Variants in MTHFD1L observed in about 807,000 individuals in gnomAD.
MTHFD1L encodes monofunctional C1-tetrahydrofolate synthase, mitochondrial.
MTHFD1L carries 81 observed loss-of-function variants against 119.5 expected under a neutral mutation model. The observed-to-expected ratio is 0.68, with a 90% CI of 0.57 to 0.82. The LOEUF (loss-of-function observed/expected upper bound fraction) is 0.82. MTHFD1L is among the 40% of genes least tolerant of loss of function. MTHFD1L has a pLI of 0.00. For synonymous variants in MTHFD1L, 430 were observed against 475.2 expected (o/e 0.90, Z 1.24); for missense variants, 1,125 against 1,253.4 (o/e 0.90, Z 1.55).
At chr6:150,985,080 T>A (rs1778083851) in intron 20 of MTHFD1L, 1 of 152,230 alleles carries the variant, frequency 6.6e-6, no homozygotes, top group Non-Finnish European at 1.5e-5. Context: ...GGAGAAGGCA[T>A]GGACTGTGGC....
At chr6:151,044,599 C>T (rs1787671712) in intron 26 of MTHFD1L, among the ~76,000 whole-genome samples, 1 of 152,192 alleles carries the variant, frequency 6.6e-6, no homozygotes. Context: ...CTGCGCCCGG[C>T]CAACTACATG....
chr6:150,903,203 AT>A (rs774695918), intron 7 of MTHFD1L, among the ~76,000 whole-genome samples: 26,234 of 85,118 alleles, frequency 0.31, 6,651 homozygotes, highest in East Asian at 0.6. Context: ...TGGCTGCAAA[AT>A]TTTTTTTTTT....
chr6:151,023,607 C>T (rs1272478165), intron 24 of MTHFD1L, among the ~76,000 whole-genome samples: 1 of 152,176 alleles, frequency 6.6e-6, no homozygotes, highest in Non-Finnish European at 1.5e-5. Context: ...CTTGCCCCAG[C>T]TTTCTTTCCT....
At chr6:151,041,860 T>G (rs747097787) in intron 26 of MTHFD1L, 1 of 528,692 alleles carries the variant, frequency 1.9e-6, no homozygotes, top group South Asian at 1.4e-5. Context: ...ATCTCCAGCA[T>G]TGCTGGCTTT....
At chr6:151,030,822 A>T (rs564168982) in intron 24 of MTHFD1L, among the ~76,000 whole-genome samples, 9 of 152,282 alleles carry the variant, frequency 5.9e-5, no homozygotes, top group African/African-American at 2.2e-4. Flanking sequence ...TAAATAAGAG[A>T]TGGTCCCGAG....
At chr6:150,947,136 T>C (rs1317011619) in intron 15 of MTHFD1L, among the ~76,000 whole-genome samples, 1 of 146,952 alleles carries the variant, frequency 6.8e-6, no homozygotes, top group East Asian at 2.3e-4. Flanking sequence ...CTTGCTCTGT[T>C]GCTCAGGCTG....
intron 10 of MTHFD1L, among the ~76,000 whole-genome samples, chr6:150,923,537 ATTTTTTCT>A (rs1789401367): frequency 1.1e-5 from 1 of 95,208 alleles, no homozygotes; most frequent in African/African-American, 5.1e-5. Flanking sequence ...TTATTTATTT[ATTTTTTCT>A]TTTTTTTTTT....
In MTHFD1L at chr6:151,059,186, CTGGTGGTGG is replaced by C. The variant is rs71014535; in HGVS notation, c.2847+22089_2847+22097del. 2.1e-3 allele frequency among the ~76,000 whole-genome samples: 316 copies of C among 151,100 alleles called. 1 individual carries two copies. The highest frequency in any genetic ancestry group is 7.3e-3 in the African/African-American group (302 of 41,152). On this transcript the variant is annotated intron_variant, in intron 26 of 27. Coordinates refer to ENST00000367321, the MANE Select transcript of MTHFD1L (RefSeq NM_015440.5). ...AGCTCCAGGCTGCTACAGTTCTAAA[CTGGTGGTGG>C]TGGTGGTGGTGGTGGTGGTTGTGGT...
chr6:150,895,388 G>T (rs1307226810), intron 7 of MTHFD1L, among the ~76,000 whole-genome samples: 1 of 152,200 alleles, frequency 6.6e-6, no homozygotes, highest in Non-Finnish European at 1.5e-5. Context: ...TTAGGGCACA[G>T]CTGGACAATG....
intron 8 of MTHFD1L, among the ~76,000 whole-genome samples, chr6:150,915,293 T>C (rs991454258): frequency 1.3e-5 from 2 of 152,226 alleles, no homozygotes; most frequent in African/African-American, 4.8e-5. Context: ...ATCATAGTGT[T>C]AGTGTATTTT....
chr6:151,062,505 G>GTT (rs1790764123), intron 26 of MTHFD1L, among the ~76,000 whole-genome samples: 1 of 152,150 alleles, frequency 6.6e-6, no homozygotes, highest in Non-Finnish European at 1.5e-5. Context: ...CAGGCACTCT[G>GTT]TTTGCCACTA....
intron 26 of MTHFD1L, among the ~76,000 whole-genome samples, chr6:151,040,397 C>T (rs1306208882): frequency 6.6e-6 from 1 of 152,192 alleles, no homozygotes; most frequent in Non-Finnish European, 1.5e-5. Context: ...TAATTCACTA[C>T]TGAGCATTTA....
Position 150,865,739 on chromosome 6 carries a change from G to GCCGCCGCCC in MTHFD1L, c.-76_-75insCCCGCCGCC. Reference sequence around the variant, plus strand: ...GGTCCTTCCCGCCGCCGCCGCCGCCGCCGCCGCCTGCTCCCCTGGCACGCG... The same window carrying GCCGCCGCCC: ...GGTCCTTCCCGCCGCCGCCGCCGCCGCCGCCGCCCCCGCCGCCTGCTCCCCTGGCACGCG... On this transcript the variant is annotated 5_prime_UTR_variant, in exon 1 of 28. Transcript: ENST00000367321. 1 of 1,146,364 alleles carries GCCGCCGCCC rather than the reference G, an allele frequency of 8.7e-7. No individual in the cohort carries two copies. Among genetic ancestry groups the GCCGCCGCCC allele is most frequent in the Non-Finnish European group, 1.1e-6 (1 of 929,978 alleles). 71.0% of individuals were successfully genotyped at this position (1,146,364 alleles called of 1,614,324 possible). A position where few individuals can be genotyped will look rare whatever the true frequency, so the allele number is the denominator to read the frequency against.
At chr6:150,934,620 G>A (rs770817190) in intron 11 of MTHFD1L, among the ~76,000 whole-genome samples, 15 of 152,134 alleles carry the variant, frequency 9.9e-5, no homozygotes, top group East Asian at 1.9e-4. Context: ...GTATGATGAC[G>A]CCTCTAAAGA....
At chr6:150,964,741 T>G (rs1796948826) in intron 18 of MTHFD1L, among the ~76,000 whole-genome samples, 1 of 152,200 alleles carries the variant, frequency 6.6e-6, no homozygotes, top group Non-Finnish European at 1.5e-5. Context: ...AGGTCAAATG[T>G]CCTTCAAAAT....
At chr6:150,866,564 C>T in intron 1 of MTHFD1L, 1 of 1,231,118 alleles carries the variant, frequency 8.1e-7, no homozygotes, top group Non-Finnish European at 1.0e-6. Context: ...GTTGTGCGCC[C>T]TTCCCCGCGC....
intron 11 of MTHFD1L, among the ~76,000 whole-genome samples, chr6:150,933,865 C>T (rs760507794): frequency 6.6e-6 from 1 of 152,182 alleles, no homozygotes; most frequent in Non-Finnish European, 1.5e-5. Flanking sequence ...AGTCCTTTTA[C>T]CTTGGCCTCC....
chr6:151,032,645 G>T (rs1176890777), intron 24 of MTHFD1L, among the ~76,000 whole-genome samples: 1 of 152,176 alleles, frequency 6.6e-6, no homozygotes, highest in Non-Finnish European at 1.5e-5. Context: ...TATTGGACTT[G>T]CATTGAACTG....
At chr6:151,094,095 C>T (rs1794692279) in intron 27 of MTHFD1L, among the ~76,000 whole-genome samples, 1 of 152,194 alleles carries the variant, frequency 6.6e-6, no homozygotes. Context: ...CTCAGGGCTG[C>T]TTCTCCTACC....
Sources: gnomAD v4.1 joint callset for allele counts (sites outside exome capture counted in the v4.1 genomes callset) on GRCh38, gnomAD v4.1.1 for gene constraint, MANE v1.5 for transcripts, NCBI Gene and HGNC (gene_info 2026-07-23, HGNC 2026-07-21) for gene names.